Variants in CACNA1B observed in about 807,000 individuals in gnomAD.
CACNA1B encodes calcium voltage-gated channel subunit alpha1 B.
A neutral mutation model predicts 247.2 loss-of-function variants in CACNA1B; 70 were observed. The ratio of observed to expected loss-of-function variants is 0.28; its 90% CI spans 0.23 to 0.35. CACNA1B has a LOEUF of 0.35. Ranked by LOEUF, CACNA1B falls within the 10% of genes least tolerant of loss-of-function variation. CACNA1B has a pLI of 1.00. For missense variants in CACNA1B, 2,367 were observed against 3,197.4 expected, an observed-to-expected ratio of 0.74 and a Z score of 6.26; for synonymous variants, 1,231 against 1,294.4, an observed-to-expected ratio of 0.95 and a Z score of 1.05.
chr9:138,108,586 A>G (rs534542589), intron 39 of CACNA1B, among the ~76,000 whole-genome samples: 31 of 152,334 alleles, frequency 2.0e-4, no homozygotes, highest in African/African-American at 7.0e-4. Context: ...AAAGAAAACT[A>G]CAGACGAATA....
Position 137,880,948 on chromosome 9 carries a change from T to C in CACNA1B, c.390+1789T>C. On this transcript the variant is annotated intron_variant, in intron 2 of 46. Coordinates refer to ENST00000371372, the MANE Select transcript of CACNA1B (RefSeq NM_000718.4). This position sits in a 1 kb window ranked among gnomAD's most constrained non-coding sequence, Gnocchi z 4.8. ...CCTCGAGCCAGGCCCCAGCTTGCAG[T>C]GCAACACCAAGCTGCCTGCACACCC... Among the ~76,000 whole-genome samples the C allele has an allele frequency of 6.6e-6, 1 of 152,150 alleles. No individual in the cohort carries two copies. The highest frequency in any genetic ancestry group is 2.1e-4 in the South Asian group (1 of 4,834).
intron 15 of CACNA1B, among the ~76,000 whole-genome samples, chr9:138,004,269 G>A (rs916649583): frequency 3.9e-5 from 6 of 152,002 alleles, no homozygotes; most frequent in African/African-American, 1.2e-4. Flanking sequence ...ATGGAGAGCC[G>A]GGTGCAGTGG....
At chr9:137,983,835 G>T (rs1958321580) in intron 12 of CACNA1B, among the ~76,000 whole-genome samples, 1 of 143,114 alleles carries the variant, frequency 7.0e-6, no homozygotes, top group Admixed American at 7.7e-5. Flanking sequence ...TGGTTGTAAG[G>T]TCTGCCAGGA....
chr9:138,032,216 TA>T (rs2133451859), intron 20 of CACNA1B, among the ~76,000 whole-genome samples: 1 of 152,256 alleles, frequency 6.6e-6, no homozygotes, highest in South Asian at 2.1e-4. Context: ...TATTACATTA[TA>T]TATACATAAC....
rs1234995951 is a variant in CACNA1B at position 138,012,714 on chromosome 9, T to TAA, written c.2161-402_2161-401dup. ...GGGTGACAGAGCGAGACCCTGTCTCTAAAAAAAAAAAAAACAAATAACAAA... is the reference window on the plus strand; with the variant it reads ...GGGTGACAGAGCGAGACCCTGTCTCTAAAAAAAAAAAAAAAACAAATAACAAA... On this transcript the variant is annotated intron_variant, in intron 17 of 46. Transcript: ENST00000371372. This position sits in a 1 kb window ranked among gnomAD's most constrained non-coding sequence, Gnocchi z 4.2. 3.0e-5 allele frequency among the ~76,000 whole-genome samples: 4 copies of TAA among 132,538 alleles called. No homozygotes were observed. Among genetic ancestry groups the TAA allele is most frequent in the Admixed American group, 7.6e-5 (1 of 13,138 alleles). 87.0% of individuals were successfully genotyped at this position (132,538 alleles called of 152,430 possible).
rs1178500722 is a variant in CACNA1B, at chr9:137,913,435, T to C, written c.622+164T>C. Among the ~76,000 whole-genome samples, 3 of 152,158 alleles carry C rather than the reference T, an allele frequency of 2.0e-5. No individual in the cohort carries two copies. Among genetic ancestry groups the C allele is most frequent in the Non-Finnish European group, 4.4e-5 (3 of 68,022 alleles). On this transcript the variant is annotated intron_variant, in intron 4 of 46. Coordinates refer to ENST00000371372, the MANE Select transcript of CACNA1B (RefSeq NM_000718.4). This position sits in a 1 kb window ranked among gnomAD's most constrained non-coding sequence, Gnocchi z 5.2. ...GAGGAAGGGAGGAGCAGGCCTTTTT[T>C]GGCCTGTCACACCCTCCATGAAAGC... is the stretch of plus-strand genomic sequence containing the variant.
At position 137,883,673 on chromosome 9, in the gene CACNA1B, G is replaced by A. The variant is rs564754716; in HGVS notation, c.530+790G>A. 1.6e-4 allele frequency among the ~76,000 whole-genome samples: 25 copies of A among 152,110 alleles called. No homozygotes were observed. In the South Asian group the frequency reaches 5.2e-3, roughly 32 times the overall value. ...GGCTCTGGTGTGGAGAGTGGTGGCT[G>A]GGGAGTGAGTGCTTGGGGAGTTGCC... On this transcript the variant is annotated intron_variant, in intron 3 of 46. Transcript: ENST00000371372.
intron 35 of CACNA1B, 109 bp from the exon 36 acceptor site, chr9:138,078,005 A>C: frequency 1.2e-6 from 1 of 868,842 alleles, no homozygotes; most frequent in Non-Finnish European, 1.8e-6. Flanking sequence ...CACATGTGTG[A>C]GCTGTCTGTG....
intron 12 of CACNA1B, among the ~76,000 whole-genome samples, chr9:137,978,355 GC>G (rs1331922478): frequency 7.0e-6 from 1 of 142,708 alleles, no homozygotes; most frequent in Non-Finnish European, 1.5e-5. Flanking sequence ...AAGGGTGGGA[GC>G]ACCACCCCTC....
chr9:137,914,857 A>G lies in CACNA1B; in HGVS notation c.775+51A>G. On this transcript the variant is annotated intron_variant, in intron 5 of 46. Transcript: ENST00000371372. The surrounding 1 kb of genome is among the most constrained non-coding windows in gnomAD (Gnocchi z 4.3). ...ACAGGCAAGTGCCACGGATGCGTTC[A>G]TCCAGGAGATGGGCACTGTTCTAGG... 6.3e-7 allele frequency: 1 copy of G among 1,599,562 alleles called. No individual in the cohort carries two copies. The highest frequency in any genetic ancestry group is 1.7e-5 in the Admixed American group (1 of 58,824).
At chr9:137,991,126 A>G (rs1277961355) in intron 15 of CACNA1B, among the ~76,000 whole-genome samples, 4 of 152,260 alleles carry the variant, frequency 2.6e-5, no homozygotes, top group Admixed American at 6.5e-5. Flanking sequence ...CTGAAGGTCA[A>G]TTATTAAGCT....
intron 15 of CACNA1B, among the ~76,000 whole-genome samples, chr9:138,000,251 A>G (rs1044755387): frequency 1.2e-4 from 18 of 152,064 alleles, no homozygotes; most frequent in East Asian, 1.9e-4. Flanking sequence ...GGCGCCCGCC[A>G]CTACGCCCGG....
chr9:138,063,759 T>G (rs1206947399), intron 31 of CACNA1B, among the ~76,000 whole-genome samples: 65 of 152,186 alleles, frequency 4.3e-4, no homozygotes. Context: ...TGTCATCCAT[T>G]GTGATCCAGT....
Position 138,058,159 on chromosome 9 carries a change from T to G in CACNA1B, c.4217T>G (p.Phe1406Cys). 6.2e-7 allele frequency: 1 copy of G among 1,614,014 alleles called. No individual in the cohort carries two copies. The highest frequency in any genetic ancestry group is 8.5e-7 in the Non-Finnish European group (1 of 1,179,848). ...YVVYFVVFPF[F>C]FVNIFVALII... Reference sequence around the variant, plus strand: ...GTCTACTTTGTGGTCTTTCCCTTCTTCTTCGTCAACATCTTTGTGGCTTTG... The same window carrying G: ...GTCTACTTTGTGGTCTTTCCCTTCTGCTTCGTCAACATCTTTGTGGCTTTG... Residue 1406 changes from phenylalanine (F) to cysteine (C), a missense_variant, in exon 28 of 47, where the codon TTC becomes TGC. Transcript: ENST00000371372. The surrounding 1 kb of genome is among the most constrained non-coding windows in gnomAD (Gnocchi z 4.7).
chr9:137,937,090 A>G (rs1957677513), intron 6 of CACNA1B, among the ~76,000 whole-genome samples: 1 of 152,150 alleles, frequency 6.6e-6, no homozygotes, highest in African/African-American at 2.4e-5. Context: ...CATTTTCACA[A>G]TATTGATTCT....
rs369909001 is a variant in CACNA1B, at chr9:138,114,422, T to G, written c.5581T>G (p.Phe1861Val). The G allele has an allele frequency of 1.9e-6, 3 of 1,595,990 alleles. No individual in the cohort carries two copies. The highest frequency in any genetic ancestry group is 2.6e-6 in the Non-Finnish European group (3 of 1,170,256). The part of the protein sequence containing the change: ...VGKVYAALMI[F>V]DFYKQNKTTR... ...GAAGGTTTATGCAGCTCTGATGATATTCGACTTCTACAAGCAGAACAAAAC... is the reference window on the plus strand; with the variant it reads ...GAAGGTTTATGCAGCTCTGATGATAGTCGACTTCTACAAGCAGAACAAAAC... The change falls in exon 41 of 47, where the codon TTC becomes GTC. Residue 1861 changes from phenylalanine to valine, a missense_variant. Coordinates refer to ENST00000371372, the MANE Select transcript of CACNA1B (RefSeq NM_000718.4).
chr9:138,044,854 C>A (rs1328733122), intron 21 of CACNA1B, among the ~76,000 whole-genome samples: 3 of 152,242 alleles, frequency 2.0e-5, no homozygotes, highest in African/African-American at 7.2e-5. Context: ...CTCTTTTATC[C>A]AACACACATG....
chr9:138,035,520 A>G (rs1959031889), intron 20 of CACNA1B, among the ~76,000 whole-genome samples: 1 of 152,138 alleles, frequency 6.6e-6, no homozygotes, highest in African/African-American at 2.4e-5. Flanking sequence ...CTAGTTTCTT[A>G]TTATTTTTTA....
rs1196584382 is a variant in CACNA1B at position 138,124,517 on chromosome 9, A to G, written c.*2518A>G. ...CTAGTTTGCTGCCTGAGTCATATTT[A>G]TCAGCCAAACTTTGGATTCTGCTGT... is the stretch of plus-strand genomic sequence containing the variant. On this transcript the variant is annotated 3_prime_UTR_variant, in exon 47 of 47. Coordinates refer to ENST00000371372, the MANE Select transcript of CACNA1B (RefSeq NM_000718.4). 2 of 152,082 alleles carry G rather than the reference A, an allele frequency of 1.3e-5. No individual in the cohort carries two copies. The highest frequency in any genetic ancestry group is 6.5e-5 in the Admixed American group (1 of 15,272). 9.4% of individuals were successfully genotyped at this position (152,082 alleles called of 1,614,324 possible).
Sources: gnomAD v4.1 joint callset for allele counts (sites outside exome capture counted in the v4.1 genomes callset) on GRCh38, gnomAD v4.1.1 for gene constraint, Gnocchi (gnomAD v3.1) non-coding constraint, MANE v1.5 for transcripts, NCBI Gene and HGNC (gene_info 2026-07-23, HGNC 2026-07-21) for gene names.